RARB: variants seen among roughly 807,000 people sequenced by gnomAD.
RARB encodes the protein retinoic acid receptor beta.
Under a neutral mutation model 51.9 loss-of-function variants are expected in RARB, and 17 were observed. The observed-to-expected ratio is 0.33, with a 90% confidence interval of 0.22 to 0.49. The LOEUF (loss-of-function observed/expected upper bound fraction) is 0.49. Among genes scored for constraint, RARB ranks in the 20% least tolerant of loss-of-function variants. The probability of loss-of-function intolerance (pLI) is 0.99; values close to 1 mark genes in which losing one functional copy is unlikely to be tolerated. For missense variants in RARB, 369 were observed against 550.8 expected (o/e 0.67, Z 3.30); for synonymous variants, 215 against 195.4 (o/e 1.10, Z -0.84).
intron 5 of RARB, among the ~76,000 whole-genome samples, chr3:25,380,275 G>A (rs1706586004): frequency 6.6e-6 from 1 of 152,104 alleles, no homozygotes. Flanking sequence ...GACTAGAGCT[G>A]ACATCGTCCA....
At chr3:25,263,400 C>T (rs1703053032) in intron 5 of RARB, among the ~76,000 whole-genome samples, 1 of 152,140 alleles carries the variant, frequency 6.6e-6, no homozygotes, top group African/African-American at 2.4e-5. Flanking sequence ...TACAGTAACT[C>T]TGAGTTAACT....
chr3:25,440,068 C>G (rs1201058850), intron 1 of RARB, among the ~76,000 whole-genome samples: 7 of 149,486 alleles, frequency 4.7e-5, no homozygotes, highest in Non-Finnish European at 9.0e-5. Context: ...AGCCTAAGAT[C>G]AGTCTTAAAG....
At chr3:24,949,218 C>T (rs990155082) in intron 2 of RARB, among the ~76,000 whole-genome samples, 5 of 152,096 alleles carry the variant, frequency 3.3e-5, no homozygotes, top group African/African-American at 9.7e-5. Context: ...GCTGACCAGG[C>T]GTGAACAGTC....
intron 2 of RARB, among the ~76,000 whole-genome samples, chr3:25,496,963 C>A (rs1697067562): frequency 6.6e-6 from 1 of 152,222 alleles, no homozygotes; most frequent in Admixed American, 6.5e-5. Flanking sequence ...CAGCTCACTG[C>A]AACCTCTGCC....
intron 5 of RARB, among the ~76,000 whole-genome samples, chr3:25,360,108 C>G (rs1356296764): frequency 6.6e-6 from 1 of 152,142 alleles, no homozygotes; most frequent in African/African-American, 2.4e-5. Flanking sequence ...GTGTGGGAGT[C>G]TAAGTCTCTT....
At chr3:25,351,248 T>G (rs577878494) in intron 5 of RARB, among the ~76,000 whole-genome samples, 3 of 152,244 alleles carry the variant, frequency 2.0e-5, no homozygotes, top group East Asian at 1.9e-4. Flanking sequence ...TGGCTTGCTT[T>G]CTTTTTCTTT....
At chr3:25,398,688 C>CTT (rs1477458899) in intron 5 of RARB, among the ~76,000 whole-genome samples, 1 of 152,176 alleles carries the variant, frequency 6.6e-6, no homozygotes, top group Non-Finnish European at 1.5e-5. Context: ...GTTCCAGAAG[C>CTT]TTAAGTCCTT....
At chr3:25,549,750 G>C (rs1344114574) in intron 3 of RARB, among the ~76,000 whole-genome samples, 1 of 152,120 alleles carries the variant, frequency 6.6e-6, no homozygotes, top group Non-Finnish European at 1.5e-5. Context: ...GAAAGTCATA[G>C]TTTGCTGCCA....
Position 25,582,621 on chromosome 3 carries a change from G to A in RARB, c.786+1899G>A, listed in dbSNP as rs113762445. 5.7e-3 allele frequency among the ~76,000 whole-genome samples: 863 copies of A among 152,158 alleles called. 8 individuals are homozygous for A. Among genetic ancestry groups the A allele is most frequent in the Middle Eastern group, 0.027 (8 of 294 alleles). ...CAGCCACACACTTAGTGATCAGGGTGCAGTCTCCACAAGATTTAAATCCCC... is the reference window on the plus strand; with the variant it reads ...CAGCCACACACTTAGTGATCAGGGTACAGTCTCCACAAGATTTAAATCCCC... On this transcript the variant is annotated intron_variant, in intron 5 of 7. Transcript: ENST00000330688.
chr3:25,533,656 T>C (rs925510489), intron 3 of RARB, among the ~76,000 whole-genome samples: 1 of 152,170 alleles, frequency 6.6e-6, no homozygotes, highest in African/African-American at 2.4e-5. Flanking sequence ...TTCTGCCCAG[T>C]CATTGGCAGA....
At chr3:25,238,544 G>T (rs1410206798) in intron 5 of RARB, among the ~76,000 whole-genome samples, 1 of 152,138 alleles carries the variant, frequency 6.6e-6, no homozygotes, top group Non-Finnish European at 1.5e-5. Context: ...TTGCTGGATT[G>T]TATAGTAGTT....
intron 2 of RARB, among the ~76,000 whole-genome samples, chr3:24,962,338 C>T (rs1696159421): frequency 6.6e-6 from 1 of 152,090 alleles, no homozygotes; most frequent in African/African-American, 2.4e-5. Context: ...CTGTCCCATG[C>T]CTTGTAGGAT....
At chr3:25,028,313 C>G (rs936803720) in intron 2 of RARB, among the ~76,000 whole-genome samples, 1 of 152,192 alleles carries the variant, frequency 6.6e-6, no homozygotes, top group African/African-American at 2.4e-5. Context: ...AGAAGCTCTG[C>G]CATAGAAAAC....
At chr3:25,564,276 G>A (rs1027701426) in intron 3 of RARB, among the ~76,000 whole-genome samples, 1 of 152,178 alleles carries the variant, frequency 6.6e-6, no homozygotes, top group Non-Finnish European at 1.5e-5. Context: ...TCATAAATAT[G>A]TTACTTTTAT....
rs559135603 is a variant in RARB, at chr3:25,516,631, C to CTTTTTTTTTTTTT, written c.448+15309_448+15321dup. On this transcript the variant is annotated intron_variant, in intron 3 of 7. Transcript: ENST00000330688. ...CAAAGGTTCATCTTTATTTCCTTGT[C>CTTTTTTTTTTTTT]TTTTTTTTTTTTTGAGACAGGGTCA... Among the ~76,000 whole-genome samples, 313 of 131,610 alleles carry CTTTTTTTTTTTTT rather than the reference C, an allele frequency of 2.4e-3. 25 individuals are homozygous for CTTTTTTTTTTTTT. The highest frequency in any genetic ancestry group is 0.011 in the Middle Eastern group (3 of 264). The allele number at this position is 131,610 out of a possible 152,430, so 86.3% of individuals were successfully genotyped here.
intron 2 of RARB, among the ~76,000 whole-genome samples, chr3:25,471,757 TG>T (rs200539409): frequency 0.014 from 2,113 of 152,336 alleles, 57 homozygotes; most frequent in African/African-American, 0.047. Context: ...TTTCATTTGC[TG>T]TTTTTGTTAT....
chr3:25,178,788 G>A (rs1040611833), intron 5 of RARB, among the ~76,000 whole-genome samples: 2 of 152,162 alleles, frequency 1.3e-5, no homozygotes, highest in African/African-American at 4.8e-5. Context: ...CTTCCAACAG[G>A]AGAAGAGCCT....
intron 2 of RARB, among the ~76,000 whole-genome samples, chr3:25,479,849 A>T (rs775029708): frequency 6.6e-6 from 1 of 152,192 alleles, no homozygotes; most frequent in Non-Finnish European, 1.5e-5. Context: ...AAACAGACTG[A>T]TAAGACTTCC....
chr3:25,206,961 G>A (rs962832887), intron 5 of RARB, among the ~76,000 whole-genome samples: 5 of 152,288 alleles, frequency 3.3e-5, no homozygotes, highest in Admixed American at 3.3e-4. Flanking sequence ...TTTTATGAAA[G>A]TGGGGACTTT....
Sources: allele counts gnomAD v4.1 joint callset (sites outside exome capture counted in the v4.1 genomes callset), GRCh38; gene constraint gnomAD v4.1.1; transcripts MANE v1.5; gene names NCBI Gene and HGNC (gene_info 2026-07-23, HGNC 2026-07-21).